Variants in ANO2 observed in about 807,000 individuals in gnomAD.
ANO2 encodes the protein anoctamin 2, also known as anoctamin-2.
In ANO2, 101 loss-of-function variants were observed where a neutral mutation model predicts 124.2. That is an observed-to-expected ratio of 0.81 (90% CI 0.69 to 0.96). ANO2 has a LOEUF of 0.96. Ranked by LOEUF, ANO2 falls within the 40% of genes least tolerant of loss-of-function variation. The pLI is 0.00. For missense variants in ANO2, 1,293 were observed against 1,274.5 expected (o/e 1.01, Z -0.22); for synonymous variants, 486 against 482.5 (o/e 1.01, Z -0.09).
intron 14 of ANO2, among the ~76,000 whole-genome samples, chr12:5,656,022 C>A (rs1947134406): frequency 6.6e-6 from 1 of 152,136 alleles, no homozygotes. Context: ...TCATCTGCAA[C>A]CCTTGTGAGG....
intron 14 of ANO2, among the ~76,000 whole-genome samples, chr12:5,689,556 C>A (rs1464637071): frequency 6.6e-6 from 1 of 152,094 alleles, no homozygotes; most frequent in Non-Finnish European, 1.5e-5. Context: ...TGAACGAGAT[C>A]CTGCTTCCAA....
intron 19 of ANO2, among the ~76,000 whole-genome samples, chr12:5,610,238 T>C (rs1488245713): frequency 7.8e-6 from 1 of 127,800 alleles, no homozygotes; most frequent in Admixed American, 8.3e-5. Context: ...TATATAAATA[T>C]ATAAATGCAT....
intron 17 of ANO2, among the ~76,000 whole-genome samples, chr12:5,614,413 C>G (rs1295050039): frequency 6.6e-6 from 1 of 152,160 alleles, no homozygotes; most frequent in Non-Finnish European, 1.5e-5. Context: ...CTAGCCCAAT[C>G]TCAGGGCAAG....
chr12:5,709,137 C>T (rs888235749), intron 14 of ANO2, among the ~76,000 whole-genome samples: 3 of 152,248 alleles, frequency 2.0e-5, no homozygotes, highest in Non-Finnish European at 4.4e-5. Context: ...TTCCAAAAGC[C>T]GCCCCTTATG....
chr12:5,829,893 T>C (rs1954096077), intron 6 of ANO2, among the ~76,000 whole-genome samples: 1 of 152,206 alleles, frequency 6.6e-6, no homozygotes, highest in Non-Finnish European at 1.5e-5. Flanking sequence ...GGCTTTCTAT[T>C]GAATGGGCTG....
At chr12:5,865,173 A>G (rs1003172847) in intron 3 of ANO2, among the ~76,000 whole-genome samples, 2 of 152,194 alleles carry the variant, frequency 1.3e-5, no homozygotes, top group African/African-American at 2.4e-5. Context: ...CTATTTTCCT[A>G]TGATTCAATC....
intron 16 of ANO2, among the ~76,000 whole-genome samples, chr12:5,621,897 G>A (rs2136919380): frequency 6.6e-6 from 1 of 152,194 alleles, no homozygotes; most frequent in East Asian, 1.9e-4. Context: ...AAGGAAGAAA[G>A]GGAGAACTTT....
chr12:5,816,618 C>T (rs758923907), intron 7 of ANO2, among the ~76,000 whole-genome samples: 3 of 152,150 alleles, frequency 2.0e-5, no homozygotes, highest in Non-Finnish European at 4.4e-5. Flanking sequence ...TCATTTCTGA[C>T]TCAAGATGTA....
intron 14 of ANO2, among the ~76,000 whole-genome samples, chr12:5,685,989 C>T (rs1948688122): frequency 6.6e-6 from 1 of 152,206 alleles, no homozygotes; most frequent in African/African-American, 2.4e-5. Context: ...AGAGCATTCT[C>T]TTAAAACCAG....
At chr12:5,846,190 C>T (rs1377501412) in intron 4 of ANO2, among the ~76,000 whole-genome samples, 2 of 152,170 alleles carry the variant, frequency 1.3e-5, no homozygotes, top group African/African-American at 4.8e-5. Context: ...GAAAATAATT[C>T]TTGAGTGGAG....
At position 5,645,391 on chromosome 12, in the gene ANO2, G is replaced by GA. The variant is rs200650473; in HGVS notation, c.1620+2335dup. The stretch of plus-strand genomic sequence containing the variant: ...GTGACAGAATCAGACTCCGTCTCAA[G>GA]AAAAAACAAATCTATCCATGGTCGT... On this transcript the variant is annotated intron_variant, in intron 15 of 24. Coordinates refer to ENST00000682330, the MANE Select transcript of ANO2 (RefSeq NM_001364791.2). Among the ~76,000 whole-genome samples the GA allele has an allele frequency of 2.8e-3, 423 of 150,058 alleles. 2 individuals carry two copies. Among genetic ancestry groups the GA allele is most frequent in the African/African-American group, 9.1e-3 (371 of 40,962 alleles).
chr12:5,788,427 T>G (rs1161829549), intron 10 of ANO2, among the ~76,000 whole-genome samples: 1 of 152,260 alleles, frequency 6.6e-6, no homozygotes, highest in Non-Finnish European at 1.5e-5. Context: ...ATAAATTATC[T>G]AACTGCCCAC....
intron 1 of ANO2, among the ~76,000 whole-genome samples, chr12:5,924,527 G>A (rs995747133): frequency 2.0e-5 from 3 of 152,290 alleles, no homozygotes. Context: ...GCAGGCGTGG[G>A]CACACCTTGT....
intron 7 of ANO2, among the ~76,000 whole-genome samples, chr12:5,825,280 T>C (rs1300950753): frequency 4.6e-5 from 7 of 152,168 alleles, no homozygotes; most frequent in Non-Finnish European, 7.3e-5. Context: ...GAAGTCACAA[T>C]TGCAACACCA....
chr12:5,835,845 C>T (rs552590211), intron 4 of ANO2, among the ~76,000 whole-genome samples: 1 of 152,300 alleles, frequency 6.6e-6, no homozygotes, highest in East Asian at 1.9e-4. Flanking sequence ...TGTCTCTGGC[C>T]TGGAGGGATG....
At chr12:5,811,953 T>G (rs1416574167) in intron 7 of ANO2, among the ~76,000 whole-genome samples, 17 of 152,074 alleles carry the variant, frequency 1.1e-4, no homozygotes, top group Non-Finnish European at 2.9e-5. Flanking sequence ...AGTTTGATCA[T>G]TAGTCCAACC....
intron 14 of ANO2, among the ~76,000 whole-genome samples, chr12:5,694,637 A>G (rs1949093071): frequency 6.6e-6 from 1 of 152,242 alleles, no homozygotes; most frequent in Admixed American, 6.5e-5. Context: ...AAATCTGGCT[A>G]TTCATCAGAA....
intron 14 of ANO2, among the ~76,000 whole-genome samples, chr12:5,727,190 C>A (rs1033664738): frequency 6.6e-6 from 1 of 152,032 alleles, no homozygotes; most frequent in Non-Finnish European, 1.5e-5. Context: ...TTGGTGCTGT[C>A]TTTGCAAAAG....
chr12:5,614,647 C>T (rs1047511707), intron 17 of ANO2, among the ~76,000 whole-genome samples: 9 of 152,276 alleles, frequency 5.9e-5, no homozygotes, highest in African/African-American at 2.2e-4. Flanking sequence ...AAGTATAGCA[C>T]ATTTCTGAGT....
Sources: gnomAD v4.1 joint callset for allele counts (sites outside exome capture counted in the v4.1 genomes callset) on GRCh38, gnomAD v4.1.1 for gene constraint, MANE v1.5 for transcripts, NCBI Gene and HGNC (gene_info 2026-07-23, HGNC 2026-07-21) for gene names.